The following RABGAP1L variants were observed in gnomAD, a reference collection of about 807,000 sequenced individuals.
The protein encoded by RABGAP1L is rab GTPase-activating protein 1-like.
Under a neutral mutation model 137.7 loss-of-function variants are expected in RABGAP1L, and 63 were observed. That is an observed-to-expected ratio of 0.46 (90% CI 0.37 to 0.56). The LOEUF is 0.56. Ranked by LOEUF, RABGAP1L falls within the 20% of genes least tolerant of loss-of-function variation. The probability of loss-of-function intolerance (pLI) is 0.00; values close to 1 mark genes in which losing one functional copy is unlikely to be tolerated. For synonymous variants in RABGAP1L, 431 were observed against 433.7 expected, an observed-to-expected ratio of 0.99 and a Z score of 0.08; for missense variants, 1,095 against 1,244.0, an observed-to-expected ratio of 0.88 and a Z score of 1.80.
chr1:174,343,551 C>T (rs1240717716), intron 11 of RABGAP1L, among the ~76,000 whole-genome samples: 5 of 152,058 alleles, frequency 3.3e-5, no homozygotes, highest in Non-Finnish European at 5.9e-5. Context: ...AAATATTTAT[C>T]GGGCTAATAC....
intron 13 of RABGAP1L, among the ~76,000 whole-genome samples, chr1:174,613,199 T>C (rs911662059): frequency 2.6e-5 from 4 of 151,774 alleles, no homozygotes; most frequent in African/African-American, 7.3e-5. Context: ...CATTTAGTGC[T>C]ATAAATTTCC....
In RABGAP1L at chr1:174,311,321, A is replaced by G. The variant is rs183612652; in HGVS notation, c.1465+6194A>G. 6.6e-5 allele frequency among the ~76,000 whole-genome samples: 10 copies of G among 152,298 alleles called. No individual in the cohort carries two copies. In the East Asian group the frequency reaches 1.9e-3, roughly 29 times the overall value. On this transcript the variant is annotated intron_variant, in intron 11 of 25. Coordinates refer to ENST00000681986, the MANE Select transcript of RABGAP1L (RefSeq NM_001366446.1). The stretch of plus-strand genomic sequence containing the variant: ...CAGATGTCATGAGAATTCATTCACT[A>G]TCATGAGAATAGTATGGGGGAAACT...
chr1:174,549,417 T>C (rs1666263784), intron 13 of RABGAP1L, among the ~76,000 whole-genome samples: 1 of 152,110 alleles, frequency 6.6e-6, no homozygotes, highest in African/African-American at 2.4e-5. Flanking sequence ...TAAGAAAGCA[T>C]TAAAGGGGGA....
In RABGAP1L at chr1:174,219,148, C is replaced by T; in HGVS notation, c.-10C>T. 1 of 1,582,984 alleles carries T rather than the reference C, an allele frequency of 6.3e-7. No individual in the cohort carries two copies. The highest frequency in any genetic ancestry group is 1.2e-5 in the South Asian group (1 of 83,466). ...AGGTGGTTGTGGGAAGAGAAGTTTG[C>T]AGAACTGAAATGGAGGTCAGAGCTT... On this transcript the variant is annotated 5_prime_UTR_variant, in exon 2 of 26. Transcript: ENST00000681986.
At chr1:174,325,241 A>G (rs1407783723) in intron 11 of RABGAP1L, among the ~76,000 whole-genome samples, 3 of 152,216 alleles carry the variant, frequency 2.0e-5, no homozygotes, top group Non-Finnish European at 4.4e-5. Flanking sequence ...ATAGTGGGGG[A>G]AAGAAAGTAA....
chr1:174,575,315 A>C (rs531467061), intron 13 of RABGAP1L, among the ~76,000 whole-genome samples: 1 of 152,228 alleles, frequency 6.6e-6, no homozygotes, highest in South Asian at 2.1e-4. Context: ...CCATTTTCCA[A>C]AGTGTTTATA....
chr1:174,875,410 G>A lies in RABGAP1L; in HGVS notation c.2340+63450G>A, dbSNP rs78955442. 345 of 395,534 alleles carry A rather than the reference G, an allele frequency of 8.7e-4. 1 individual carries two copies. The highest frequency in any genetic ancestry group is 7.1e-3 in the African/African-American group (324 of 45,948). The allele number at this position is 395,534 out of a possible 1,614,324, so 24.5% of individuals were successfully genotyped here. A position where few individuals can be genotyped will look rare whatever the true frequency, so the allele number is the denominator to read the frequency against. On this transcript the variant is annotated intron_variant, in intron 19 of 25. Transcript: ENST00000681986. Reference sequence around the variant, plus strand: ...ATGCACTCTCCCAGGGTGCATAGGCGCTGCTGAACTGCGGTTATAACTCTT... The same window carrying A: ...ATGCACTCTCCCAGGGTGCATAGGCACTGCTGAACTGCGGTTATAACTCTT...
At chr1:174,583,093 T>G (rs1396492532) in intron 13 of RABGAP1L, among the ~76,000 whole-genome samples, 1 of 152,188 alleles carries the variant, frequency 6.6e-6, no homozygotes, top group East Asian at 1.9e-4. Context: ...AGTGCTTTTA[T>G]GAAGAAACAG....
At chr1:174,841,554 C>T (rs375831551) in intron 19 of RABGAP1L, among the ~76,000 whole-genome samples, 1 of 151,560 alleles carries the variant, frequency 6.6e-6, no homozygotes, top group East Asian at 1.9e-4. Flanking sequence ...CATAAAAAAG[C>T]AGAAGAAGGG....
chr1:174,161,400 G>A (rs1247326651), intron 1 of RABGAP1L, among the ~76,000 whole-genome samples: 2 of 151,830 alleles, frequency 1.3e-5, no homozygotes, highest in African/African-American at 4.8e-5. Flanking sequence ...GCGCCGCCAC[G>A]CCTGGCTAAT....
rs760819969 is a variant in RABGAP1L at position 174,396,058 on chromosome 1, A to G, written c.1710+1913A>G. ...TGTTTTATAAACTGCTATAACAAAC[A>G]TATTAAAAATAGTGACCCATATTTT... On this transcript the variant is annotated intron_variant, in intron 13 of 25. Transcript: ENST00000681986. Among the ~76,000 whole-genome samples, 13 of 152,258 alleles carry G rather than the reference A, an allele frequency of 8.5e-5. No individual in the cohort carries two copies. In the East Asian group the frequency reaches 1.7e-3, roughly 20 times the overall value.
At chr1:174,361,936 C>T (rs1219862494) in intron 11 of RABGAP1L, among the ~76,000 whole-genome samples, 1 of 152,178 alleles carries the variant, frequency 6.6e-6, no homozygotes, top group Non-Finnish European at 1.5e-5. Flanking sequence ...CCTCCTCTCA[C>T]CCTCAGCCAT....
chr1:174,391,174 A>C (rs1687182177), intron 12 of RABGAP1L, among the ~76,000 whole-genome samples: 1 of 152,164 alleles, frequency 6.6e-6, no homozygotes, highest in South Asian at 2.1e-4. Context: ...TTTCAAGGAG[A>C]GATGCAGAAG....
intron 20 of RABGAP1L, 79 bp from the exon 21 acceptor site, chr1:174,969,198 C>T (rs1669921400): frequency 1.8e-6 from 2 of 1,097,202 alleles, no homozygotes; most frequent in South Asian, 2.8e-5. Context: ...CACTTTGTTG[C>T]TTGTTTTTCC....
Position 174,411,847 on chromosome 1 carries a change from A to G in RABGAP1L, c.1710+17702A>G, listed in dbSNP as rs190337073. On this transcript the variant is annotated intron_variant, in intron 13 of 25. Transcript: ENST00000681986. ...TTGTATTCCACTGTGGTCCAAGAGT[A>G]TGGTTTGTGTGACTTTTTAAAAAAT... is the stretch of plus-strand genomic sequence containing the variant. Among the ~76,000 whole-genome samples, 623 of 152,186 alleles carry G rather than the reference A, an allele frequency of 4.1e-3. 4 individuals are homozygous for G. The highest frequency in any genetic ancestry group is 4.4e-3 in the South Asian group (21 of 4,824).
intron 10 of RABGAP1L, among the ~76,000 whole-genome samples, chr1:174,286,435 A>G (rs965250335): frequency 6.6e-6 from 1 of 151,362 alleles, no homozygotes; most frequent in Non-Finnish European, 1.5e-5. Context: ...TTGTAATTTT[A>G]TTTATTTGAG....
chr1:174,161,119 A>C (rs1000807660), intron 1 of RABGAP1L, among the ~76,000 whole-genome samples: 5 of 152,286 alleles, frequency 3.3e-5, no homozygotes, highest in African/African-American at 1.2e-4. Flanking sequence ...CAGTTCAATA[A>C]ATGCGCTGAT....
intron 19 of RABGAP1L, among the ~76,000 whole-genome samples, chr1:174,955,363 T>G (rs757316047): frequency 1.3e-5 from 2 of 152,216 alleles, no homozygotes; most frequent in Non-Finnish European, 2.9e-5. Flanking sequence ...GAGAAGCAGA[T>G]AATTCTAGTA....
At chr1:174,261,570 C>T (rs1009876673) in intron 7 of RABGAP1L, among the ~76,000 whole-genome samples, 2 of 151,928 alleles carry the variant, frequency 1.3e-5, no homozygotes, top group Non-Finnish European at 2.9e-5. Flanking sequence ...AAAAAATCAC[C>T]CAGGGACTCT....
Sources: gnomAD v4.1 joint callset for allele counts (sites outside exome capture counted in the v4.1 genomes callset) on GRCh38, gnomAD v4.1.1 for gene constraint, MANE v1.5 for transcripts, NCBI Gene and HGNC (gene_info 2026-07-23, HGNC 2026-07-21) for gene names.